The following GRM2 variants were observed in gnomAD, a reference collection of about 807,000 sequenced individuals.
The protein encoded by GRM2 is glutamate metabotropic receptor 2.
GRM2 carries 35 observed loss-of-function variants against 60.4 expected under a neutral mutation model. The observed-to-expected ratio is 0.58, with a 90% CI of 0.44 to 0.77. GRM2 has a LOEUF of 0.77. Among genes scored for constraint, GRM2 ranks in the 30% least tolerant of loss-of-function variants. GRM2 has a pLI of 0.00. For synonymous variants in GRM2, 437 were observed against 484.1 expected, an observed-to-expected ratio of 0.90 and a Z score of 1.28; for missense variants, 925 against 1,199.5, an observed-to-expected ratio of 0.77 and a Z score of 3.38.
intron 2 of GRM2, chr3:51,711,525 A>C (rs1283400606): frequency 4.6e-5 from 7 of 152,350 alleles, no homozygotes; most frequent in African/African-American, 1.7e-4. Flanking sequence ...CTAGCCTGTC[A>C]TCCGTAGGCT....
rs1703940865 is a variant in GRM2, at chr3:51,717,399, GCC to G, written c.2365-233_2365-232del. Among the ~76,000 whole-genome samples, 1 of 151,898 alleles carries G rather than the reference GCC, an allele frequency of 6.6e-6. No individual in the cohort carries two copies. Among genetic ancestry groups the G allele is most frequent in the African/African-American group, 2.4e-5 (1 of 41,292 alleles). ...GATGCACACACCCCTGTGTATACAT[GCC>G]CCCCTGCATGTTCTCCCCTTCAGCT... On this transcript the variant is annotated intron_variant, in intron 4 of 5. Transcript: ENST00000395052. The surrounding 1 kb of genome is among the most constrained non-coding windows in gnomAD (Gnocchi z 6.0).
intron 3 of GRM2, chr3:51,714,227 G>A: frequency 4.5e-6 from 1 of 222,070 alleles, no homozygotes; most frequent in East Asian, 1.4e-4. Context: ...GCTAAATTCA[G>A]CATGTTTGGC....
Position 51,713,228 on chromosome 3 carries a change from C to T in GRM2, c.1206C>T (p.Asn402=), listed in dbSNP as rs753464594. ...ACATGCACCGTGCCCTCTGCCCCAACACCACCCGGCTCTGTGACGCGATGC... is the reference window on the plus strand; with the variant it reads ...ACATGCACCGTGCCCTCTGCCCCAATACCACCCGGCTCTGTGACGCGATGC... ...LHNMHRALCP[N]TTRLCDAMRP... Residue 402 remains asparagine (N), a synonymous_variant, in exon 3 of 6, where the codon AAC becomes AAT. Coordinates refer to ENST00000395052, the MANE Select transcript of GRM2 (RefSeq NM_000839.5). The surrounding 1 kb of genome is among the most constrained non-coding windows in gnomAD (Gnocchi z 4.8). 6.2e-7 allele frequency: 1 copy of T among 1,613,146 alleles called. No individual in the cohort carries two copies. The highest frequency in any genetic ancestry group is 8.5e-7 in the Non-Finnish European group (1 of 1,180,022).
In GRM2 at chr3:51,717,611, C is replaced by T. The variant is rs764066155; in HGVS notation, c.2365-26C>T. 3.3e-5 allele frequency: 53 copies of T among 1,601,336 alleles called. No individual in the cohort carries two copies. Among genetic ancestry groups the T allele is most frequent in the Non-Finnish European group, 4.4e-5 (51 of 1,171,850 alleles). On this transcript the variant is annotated intron_variant, in intron 4 of 5. Coordinates refer to ENST00000395052, the MANE Select transcript of GRM2 (RefSeq NM_000839.5). This position sits in a 1 kb window ranked among gnomAD's most constrained non-coding sequence, Gnocchi z 6.0. ...GGTCAGGCCCAGGTCTTGACCTGTGCTTGTTCACCCACTCACCCACCGCAG... is the reference window on the plus strand; with the variant it reads ...GGTCAGGCCCAGGTCTTGACCTGTGTTTGTTCACCCACTCACCCACCGCAG...
Position 51,718,219 on chromosome 3 carries a change from A to T in GRM2, c.*107A>T. ...GGAGCACTGCAATAATTTATTACCCACCCTATGTCTGCCCCCAAAGTCACT... is the reference window on the plus strand; with the variant it reads ...GGAGCACTGCAATAATTTATTACCCTCCCTATGTCTGCCCCCAAAGTCACT... On this transcript the variant is annotated 3_prime_UTR_variant, in exon 6 of 6. Transcript: ENST00000395052. The surrounding 1 kb of genome is among the most constrained non-coding windows in gnomAD (Gnocchi z 4.2). 1 of 913,856 alleles carries T rather than the reference A, an allele frequency of 1.1e-6. No homozygotes were observed. Among genetic ancestry groups the T allele is most frequent in the Non-Finnish European group, 1.8e-6 (1 of 545,808 alleles). 56.6% of individuals were successfully genotyped at this position (913,856 alleles called of 1,614,324 possible).
rs903871949 is a variant in GRM2, at chr3:51,718,011, G to T, written c.2546-28G>T. The T allele has an allele frequency of 3.1e-6, 5 of 1,608,760 alleles. No homozygotes were observed. The highest frequency in any genetic ancestry group is 2.7e-5 in the African/African-American group (2 of 74,810). On this transcript the variant is annotated intron_variant, in intron 5 of 5. Coordinates refer to ENST00000395052, the MANE Select transcript of GRM2 (RefSeq NM_000839.5). The surrounding 1 kb of genome is among the most constrained non-coding windows in gnomAD (Gnocchi z 4.2). The stretch of plus-strand genomic sequence containing the variant: ...CCCTCCATGGAGGACCTCGGGATTG[G>T]CCCCAACCTCTGGCTTCCTTTTCTT...
intron 1 of GRM2, 97 bp from the exon 2 acceptor site, chr3:51,708,751 A>G: frequency 2.0e-6 from 1 of 491,236 alleles, no homozygotes; most frequent in Non-Finnish European, 3.6e-6. Flanking sequence ...TTGAGTACCT[A>G]GGAAAGGGGC....
Position 51,712,834 on chromosome 3 carries a change from G to T in GRM2, c.812G>T (p.Arg271Leu). Residue 271 changes from arginine (R) to leucine (L), a missense_variant, in exon 3 of 6, where the codon CGT (arginine) becomes CTT (leucine). Physicochemically the swap from Arg to Leu is moderately radical, Grantham distance 102 (BLOSUM62 -2). Transcript: ENST00000395052. The surrounding 1 kb of genome is among the most constrained non-coding windows in gnomAD (Gnocchi z 5.3). ...GCCCGCGTGGCTGTCCTGTTCACCC[G>T]TTCTGAGGATGCCCGGGAGCTGCTT... ...PSARVAVLFT[R>L]SEDARELLAA... 1 of 1,612,896 alleles carries T rather than the reference G, an allele frequency of 6.2e-7. No individual in the cohort carries two copies. The highest frequency in any genetic ancestry group is 2.2e-5 in the East Asian group (1 of 44,890).
In GRM2 at chr3:51,715,065, C is replaced by T; in HGVS notation, c.1292C>T (p.Pro431Leu). ...TTCCTTCCCTCCCCCATCCTAGCCC[C>T]CTTTCGCCCAGCTGACACCCACAAT... is the stretch of plus-strand genomic sequence containing the variant. ...DFVLNVKFDAPFRPADTHNEV... is the reference protein window; with the variant it reads ...DFVLNVKFDALFRPADTHNEV... The change falls in exon 4 of 6, where the codon CCC (proline) becomes CTC (leucine). Residue 431 changes from proline to leucine, a missense_variant. Transcript: ENST00000395052. The surrounding 1 kb of genome is among the most constrained non-coding windows in gnomAD (Gnocchi z 9.0). The T allele has an allele frequency of 6.5e-7, 1 of 1,543,602 alleles. No individual in the cohort carries two copies. Among genetic ancestry groups the T allele is most frequent in the Non-Finnish European group, 8.8e-7 (1 of 1,139,514 alleles).
Position 51,715,255 on chromosome 3 carries a change from C to G in GRM2, c.1482C>G (p.Pro494=). The part of the protein sequence containing the change: ...LIPWASPSAG[P]LPASRCSEPC... ...CATGGGCCTCACCCTCAGCCGGCCC[C>G]CTGCCCGCCTCTCGCTGCAGTGAGC... is the stretch of plus-strand genomic sequence containing the variant. The change falls in exon 4 of 6, where the codon CCC becomes CCG. Residue 494 remains proline, a synonymous_variant. Transcript: ENST00000395052. The surrounding 1 kb of genome is among the most constrained non-coding windows in gnomAD (Gnocchi z 9.0). 6.2e-7 allele frequency: 1 copy of G among 1,609,302 alleles called. No individual in the cohort carries two copies.
In GRM2 at chr3:51,718,372, G is replaced by A. The variant is rs1467552031; in HGVS notation, c.*260G>A. ...GGCCAGGCCCAGGGCTCAGAGAGGA[G>A]CAAGCCAGGGTTCACTCTGCCCTGG... On this transcript the variant is annotated 3_prime_UTR_variant, in exon 6 of 6. Transcript: ENST00000395052. This position sits in a 1 kb window ranked among gnomAD's most constrained non-coding sequence, Gnocchi z 4.2. 2 of 513,864 alleles carry A rather than the reference G, an allele frequency of 3.9e-6. No individual in the cohort carries two copies. Among genetic ancestry groups the A allele is most frequent in the Admixed American group, 6.5e-5 (2 of 30,544 alleles). The allele number at this position is 513,864 out of a possible 1,614,324, so 31.8% of individuals were successfully genotyped here. A position where few individuals can be genotyped will look rare whatever the true frequency, so the allele number is the denominator to read the frequency against.
chr3:51,712,342 G>T lies in GRM2; in HGVS notation c.451-131G>T. ...GAAGACTGTCAAGTCAGGATGCAGG[G>T]CTTTAGAGAGGGAGCCTTTAGGCCT... On this transcript the variant is annotated intron_variant, in intron 2 of 5. Coordinates refer to ENST00000395052, the MANE Select transcript of GRM2 (RefSeq NM_000839.5). The surrounding 1 kb of genome is among the most constrained non-coding windows in gnomAD (Gnocchi z 5.3). The T allele has an allele frequency of 2.9e-6, 2 of 690,004 alleles. No individual in the cohort carries two copies. The highest frequency in any genetic ancestry group is 5.2e-6 in the Non-Finnish European group (2 of 387,792). The allele number at this position is 690,004 out of a possible 1,614,324, so 42.7% of individuals were successfully genotyped here.
chr3:51,713,886 A>C lies in GRM2; in HGVS notation c.1288+576A>C, dbSNP rs1402881082. 2.3e-6 allele frequency: 1 copy of C among 430,758 alleles called. No homozygotes were observed. The highest frequency in any genetic ancestry group is 4.7e-6 in the Non-Finnish European group (1 of 211,374). 26.7% of individuals were successfully genotyped at this position (430,758 alleles called of 1,614,324 possible). On this transcript the variant is annotated intron_variant, in intron 3 of 5. Coordinates refer to ENST00000395052, the MANE Select transcript of GRM2 (RefSeq NM_000839.5). The surrounding 1 kb of genome is among the most constrained non-coding windows in gnomAD (Gnocchi z 4.8). The stretch of plus-strand genomic sequence containing the variant: ...ATCCTTCTGCCTCAGTCTCCAGAGT[A>C]GCTAGGATGACAGGCATGTGGCACT...
At position 51,716,125 on chromosome 3, in the gene GRM2, C is replaced by T. The variant is rs141544059; in HGVS notation, c.2352C>T (p.Ser784=). The change falls in exon 4 of 6, where the codon TCC becomes TCT. Residue 784 remains serine, a synonymous_variant. Coordinates refer to ENST00000395052, the MANE Select transcript of GRM2 (RefSeq NM_000839.5). This position sits in a 1 kb window ranked among gnomAD's most constrained non-coding sequence, Gnocchi z 4.0. ...TCCTGCCCATCTTCTATGTCACCTC[C>T]AGTGACTACCGGGTGAGCTACCTGC... The part of the protein sequence containing the change: ...LAFLPIFYVT[S]SDYRVQTTTM... The T allele has an allele frequency of 1.2e-4, 187 of 1,606,466 alleles. 1 individual carries two copies. The African/African-American group carries it at 2.2e-3, about 19-fold the overall frequency.
In GRM2 at chr3:51,715,749, G is replaced by C; in HGVS notation, c.1976G>C (p.Arg659Pro). ...ALLTKTNRIA[R>P]IFGGAREGAQ... ...CTCACCAAGACCAACCGCATTGCAC[G>C]CATCTTCGGTGGGGCCCGGGAGGGT... Residue 659 changes from arginine (R) to proline (P), a missense_variant, in exon 4 of 6, where the codon CGC becomes CCC. Arg to Pro is a moderately radical substitution (Grantham distance 103). Transcript: ENST00000395052. The surrounding 1 kb of genome is among the most constrained non-coding windows in gnomAD (Gnocchi z 9.0). 6.2e-7 allele frequency: 1 copy of C among 1,613,774 alleles called. No homozygotes were observed. Among genetic ancestry groups the C allele is most frequent in the Non-Finnish European group, 8.5e-7 (1 of 1,179,774 alleles).
In GRM2 at chr3:51,709,786, C is replaced by CCA. The variant is rs146641469; in HGVS notation, c.450+361_450+362dup. On this transcript the variant is annotated intron_variant, in intron 2 of 5. Transcript: ENST00000395052. ...ACCCACACACACGCACCCCACACAC[C>CCA]CACACACACCCCACACCCACCCCCA... 1.8e-3 allele frequency among the ~76,000 whole-genome samples: 223 copies of CCA among 126,818 alleles called. 7 individuals are homozygous for CCA. The highest frequency in any genetic ancestry group is 7.7e-3 in the African/African-American group (213 of 27,730). 83.2% of individuals were successfully genotyped at this position (126,818 alleles called of 152,430 possible).
Position 51,718,255 on chromosome 3 carries a change from C to T in GRM2, c.*143C>T, listed in dbSNP as rs1703975419. ...GCCCCCAAAGTCACTTACCCACCTC[C>T]TTACCCCAGCTCTTCAGACTCAGAA... On this transcript the variant is annotated 3_prime_UTR_variant, in exon 6 of 6. Transcript: ENST00000395052. The surrounding 1 kb of genome is among the most constrained non-coding windows in gnomAD (Gnocchi z 4.2). 3 of 729,666 alleles carry T rather than the reference C, an allele frequency of 4.1e-6. No individual in the cohort carries two copies. The African/African-American group carries it at 5.2e-5, about 13-fold the overall frequency. 45.2% of individuals were successfully genotyped at this position (729,666 alleles called of 1,614,324 possible). A position where few individuals can be genotyped will look rare whatever the true frequency, so the allele number is the denominator to read the frequency against.
At chr3:51,710,352 G>A (rs1458262369) in intron 2 of GRM2, among the ~76,000 whole-genome samples, 1 of 152,194 alleles carries the variant, frequency 6.6e-6, no homozygotes, top group African/African-American at 2.4e-5. Context: ...TAGATGCATA[G>A]TATGTATCAG....
Position 51,712,452 on chromosome 3 carries a change from C to T in GRM2, c.451-21C>T, listed in dbSNP as rs755975037. 2.0e-6 allele frequency: 3 copies of T among 1,517,930 alleles called. No individual in the cohort carries two copies. The highest frequency in any genetic ancestry group is 2.7e-6 in the Non-Finnish European group (3 of 1,097,134). 94.0% of individuals were successfully genotyped at this position (1,517,930 alleles called of 1,614,324 possible). ...TGTTTGATCTGACCGCTGATCTTTG[C>T]CTTCTCTACTCCTCCCCCAGGTGGC... On this transcript the variant is annotated intron_variant, in intron 2 of 5. Transcript: ENST00000395052. The surrounding 1 kb of genome is among the most constrained non-coding windows in gnomAD (Gnocchi z 5.3).
Sources: gnomAD v4.1 joint callset for allele counts (sites outside exome capture counted in the v4.1 genomes callset) on GRCh38, gnomAD v4.1.1 for gene constraint, Gnocchi (gnomAD v3.1) non-coding constraint, MANE v1.5 for transcripts, NCBI Gene and HGNC (gene_info 2026-07-23, HGNC 2026-07-21) for gene names.